The following TBCA variants were observed in gnomAD, a reference collection of about 807,000 sequenced individuals.
TBCA encodes tubulin-specific chaperone A.
TBCA carries 6 observed loss-of-function variants against 15.8 expected under a neutral mutation model. That is an observed-to-expected ratio of 0.38 (90% confidence interval 0.21 to 0.75). The LOEUF (loss-of-function observed/expected upper bound fraction) is 0.75, where lower values mean the gene tolerates loss of function less well. Among genes scored for constraint, TBCA ranks in the 30% least tolerant of loss-of-function variants. TBCA has a pLI of 0.46. For missense variants in TBCA, 90 were observed against 131.2 expected (o/e 0.69, Z 1.53); for synonymous variants, 32 against 42.3 (o/e 0.76, Z 0.94).
intron 1 of TBCA, among the ~76,000 whole-genome samples, chr5:77,724,046 C>T (rs1746579642): frequency 6.6e-6 from 1 of 151,996 alleles, no homozygotes. Flanking sequence ...AAAGGTACAA[C>T]TTGTTTTCTC....
At chr5:77,765,881 C>CAA (rs70997944) in intron 1 of TBCA, among the ~76,000 whole-genome samples, 3 of 130,410 alleles carry the variant, frequency 2.3e-5, no homozygotes, top group East Asian at 2.5e-4. Flanking sequence ...AAACTAGGGC[C>CAA]AAAAAAAAAA....
intron 1 of TBCA, among the ~76,000 whole-genome samples, chr5:77,771,607 T>C (rs1747915863): frequency 6.6e-6 from 1 of 152,248 alleles, no homozygotes; most frequent in Non-Finnish European, 1.5e-5. Flanking sequence ...TGGGCTGCTA[T>C]CCATTAGGTC....
chr5:77,736,538 A>G (rs916175650), intron 1 of TBCA, among the ~76,000 whole-genome samples: 21 of 152,304 alleles, frequency 1.4e-4, no homozygotes, highest in African/African-American at 5.1e-4. Context: ...ATTTCTCAGT[A>G]TACATTCCAC....
intron 1 of TBCA, among the ~76,000 whole-genome samples, chr5:77,741,939 T>G (rs936126093): frequency 3.3e-5 from 5 of 152,204 alleles, no homozygotes; most frequent in Non-Finnish European, 7.3e-5. Context: ...AGGAGTCAAA[T>G]GCTTCATGAA....
At chr5:77,721,877 G>C (rs1226826447) in intron 1 of TBCA, among the ~76,000 whole-genome samples, 5 of 151,924 alleles carry the variant, frequency 3.3e-5, no homozygotes, top group African/African-American at 9.7e-5. Context: ...TCATTTTACA[G>C]CCTGACTTCC....
intron 1 of TBCA, among the ~76,000 whole-genome samples, chr5:77,750,673 A>G (rs1316285129): frequency 1.3e-5 from 2 of 152,234 alleles, no homozygotes; most frequent in Admixed American, 6.5e-5. Flanking sequence ...ACCTTTGTGA[A>G]CTCAAAATAT....
intron 1 of TBCA, among the ~76,000 whole-genome samples, chr5:77,742,199 A>C (rs1462124902): frequency 6.6e-6 from 1 of 152,198 alleles, no homozygotes; most frequent in Non-Finnish European, 1.5e-5. Flanking sequence ...GCAGTTAAGC[A>C]TCCCTAATCC....
intron 1 of TBCA, among the ~76,000 whole-genome samples, chr5:77,769,096 T>C (rs914211980): frequency 7.9e-5 from 12 of 152,214 alleles, no homozygotes; most frequent in Non-Finnish European, 1.6e-4. Flanking sequence ...AGACATCTGG[T>C]TGCCTGCTAT....
intron 2 of TBCA, among the ~76,000 whole-genome samples, chr5:77,699,168 T>C (rs1350418674): frequency 1.3e-5 from 2 of 151,856 alleles, no homozygotes; most frequent in Non-Finnish European, 2.9e-5. Context: ...ACCATATCCA[T>C]TAACTGGGAC....
chr5:77,693,003 T>C, intron 3 of TBCA: 1 of 1,411,818 alleles, frequency 7.1e-7, no homozygotes, highest in Non-Finnish European at 9.2e-7. Context: ...TGGACAATAC[T>C]GGTACTATCA....
intron 1 of TBCA, among the ~76,000 whole-genome samples, chr5:77,769,477 C>T (rs972560561): frequency 1.1e-4 from 17 of 152,048 alleles, no homozygotes; most frequent in African/African-American, 3.9e-4. Flanking sequence ...CTTAAGTATA[C>T]GTGTCATTTG....
At chr5:77,739,833 T>C (rs1299852683) in intron 1 of TBCA, among the ~76,000 whole-genome samples, 1 of 152,208 alleles carries the variant, frequency 6.6e-6, no homozygotes, top group Non-Finnish European at 1.5e-5. Context: ...AACTCAGTTA[T>C]CCAAATAAGA....
intron 1 of TBCA, among the ~76,000 whole-genome samples, chr5:77,756,213 CT>C (rs1053123735): frequency 2.0e-5 from 3 of 152,168 alleles, no homozygotes; most frequent in Admixed American, 1.3e-4. Context: ...CATTTCCACC[CT>C]CCTACGTCTC....
At chr5:77,744,681 A>G in intron 1 of TBCA, among the ~76,000 whole-genome samples, 1 of 151,722 alleles carries the variant, frequency 6.6e-6, no homozygotes, top group Admixed American at 6.6e-5. Context: ...GATTACAGGC[A>G]TCCACCACTA....
intron 1 of TBCA, among the ~76,000 whole-genome samples, chr5:77,743,821 T>A (rs969159121): frequency 6.6e-6 from 1 of 152,118 alleles, no homozygotes; most frequent in African/African-American, 2.4e-5. Flanking sequence ...TTTTTGTCCT[T>A]CCCATTTCAC....
chr5:77,728,956 T>C (rs1746694869), intron 1 of TBCA, among the ~76,000 whole-genome samples: 1 of 152,150 alleles, frequency 6.6e-6, no homozygotes, highest in Non-Finnish European at 1.5e-5. Flanking sequence ...CAGAATAACA[T>C]TGATTAATGA....
intron 1 of TBCA, chr5:77,715,200 T>G (rs1746370247): frequency 1.4e-6 from 1 of 694,724 alleles, no homozygotes; most frequent in African/African-American, 1.8e-5. Flanking sequence ...CATAAAAATG[T>G]AAAAAGTTGA....
intron 2 of TBCA, among the ~76,000 whole-genome samples, chr5:77,706,696 C>G (rs1376304732): frequency 6.6e-6 from 1 of 151,476 alleles, no homozygotes; most frequent in Non-Finnish European, 1.5e-5. Context: ...CTGTTAATCC[C>G]AGCTTCTTGG....
intron 2 of TBCA, chr5:77,694,240 T>A (rs1745823060): frequency 6.6e-6 from 1 of 152,212 alleles, no homozygotes; most frequent in Non-Finnish European, 1.5e-5. Flanking sequence ...CATAAAAAGT[T>A]ATTACTTATC....
Sources: gnomAD v4.1 joint callset for allele counts (sites outside exome capture counted in the v4.1 genomes callset) on GRCh38, gnomAD v4.1.1 for gene constraint, MANE v1.5 for transcripts, NCBI Gene and HGNC (gene_info 2026-07-23, HGNC 2026-07-21) for gene names.